ASAP2: variants seen among roughly 807,000 people sequenced by gnomAD.
The protein encoded by ASAP2 is arf-GAP with SH3 domain, ANK repeat and PH domain-containing protein 2.
ASAP2 carries 45 observed loss-of-function variants against 131.4 expected under a neutral mutation model. The observed-to-expected ratio is 0.34, with a 90% confidence interval of 0.27 to 0.44. ASAP2 has a LOEUF of 0.44. Among genes scored for constraint, ASAP2 ranks in the 20% least tolerant of loss-of-function variants. The pLI is 1.00. For missense variants in ASAP2, 1,011 were observed against 1,297.0 expected (o/e 0.78, Z 3.39); for synonymous variants, 510 against 503.0 (o/e 1.01, Z -0.19).
At chr2:9,258,921 C>T (rs1352784957) in intron 1 of ASAP2, among the ~76,000 whole-genome samples, 1 of 152,242 alleles carries the variant, frequency 6.6e-6, no homozygotes, top group South Asian at 2.1e-4. Flanking sequence ...CTCCTGATTA[C>T]AGACTGGGGT....
intron 1 of ASAP2, among the ~76,000 whole-genome samples, chr2:9,222,853 G>A (rs77904775): frequency 0.024 from 3,704 of 152,194 alleles, 102 homozygotes; most frequent in Admixed American, 0.087. Context: ...TTTCCTTGGG[G>A]ACTGGGATGC....
In ASAP2 at chr2:9,368,304, A is replaced by C. The variant is rs1252234543; in HGVS notation, c.1462-121A>C. On this transcript the variant is annotated intron_variant, in intron 15 of 27. Transcript: ENST00000281419. The stretch of plus-strand genomic sequence containing the variant: ...TTTTGTCCATCTTCATTAAAGGCAA[A>C]CCACTTTATTGCTCTATTTCTTAGT... The C allele has an allele frequency of 4.4e-6, 4 of 900,928 alleles. No individual in the cohort carries two copies. In the African/African-American group the frequency reaches 6.6e-5, roughly 15 times the overall value. 55.8% of individuals were successfully genotyped at this position (900,928 alleles called of 1,614,324 possible).
rs761661220 is a variant in ASAP2 at position 9,391,134 on chromosome 2, G to A, written c.2456G>A (p.Arg819Gln). 15 of 1,613,874 alleles carry A rather than the reference G, an allele frequency of 9.3e-6. No homozygotes were observed. The African/African-American group carries it at 1.1e-4, about 12-fold the overall frequency. Residue 819 changes from arginine to glutamine, a missense_variant, in exon 23 of 28, where the codon CGA becomes CAA. Physicochemically the swap from Arg to Gln is conservative, Grantham distance 43. Coordinates refer to ENST00000281419, the MANE Select transcript of ASAP2 (RefSeq NM_003887.3). The stretch of plus-strand genomic sequence containing the variant: ...AGTGTGGACGGTGGAAGCCGGCAGC[G>A]ATCTTCGTCAGATCCGCCAGCTGTC... ...SVSVDGGSRQRSSSDPPAVHP... is the reference protein window; with the variant it reads ...SVSVDGGSRQQSSSDPPAVHP...
intron 6 of ASAP2, among the ~76,000 whole-genome samples, chr2:9,326,800 C>T (rs998787369): frequency 6.6e-6 from 1 of 152,174 alleles, no homozygotes; most frequent in African/African-American, 2.4e-5. Flanking sequence ...GTTAATTTCC[C>T]ACTCATTAGG....
At chr2:9,317,908 CTT>C (rs1170045273) in intron 3 of ASAP2, among the ~76,000 whole-genome samples, 2 of 152,172 alleles carry the variant, frequency 1.3e-5, no homozygotes, top group East Asian at 1.9e-4. Context: ...TGCATTCACT[CTT>C]ATACTCAAGC....
chr2:9,221,328 T>C (rs901916933), intron 1 of ASAP2, among the ~76,000 whole-genome samples: 4 of 150,852 alleles, frequency 2.7e-5, no homozygotes, highest in South Asian at 2.1e-4. Flanking sequence ...CTTTTCTTTT[T>C]TTTTTTTTTT....
intron 6 of ASAP2, among the ~76,000 whole-genome samples, chr2:9,326,468 A>G (rs1670483652): frequency 7.9e-6 from 1 of 126,610 alleles, no homozygotes; most frequent in African/African-American, 3.4e-5. Flanking sequence ...TGAGCGGAGA[A>G]GGCGTGAGAA....
rs533101284 is a variant in ASAP2 at position 9,311,886 on chromosome 2, G to T, written c.346-6638G>T. On this transcript the variant is annotated intron_variant, in intron 3 of 27. Transcript: ENST00000281419. This position sits in a 1 kb window ranked among gnomAD's most constrained non-coding sequence, Gnocchi z 5.2. Reference sequence around the variant, plus strand: ...CCCTGAGCCACCAGGCGTGTGTGCTGTGTGGATTGCATACACCAAGCATGG... The same window carrying T: ...CCCTGAGCCACCAGGCGTGTGTGCTTTGTGGATTGCATACACCAAGCATGG... 6.6e-6 allele frequency among the ~76,000 whole-genome samples: 1 copy of T among 152,356 alleles called. No individual in the cohort carries two copies. Among genetic ancestry groups the T allele is most frequent in the South Asian group, 2.1e-4 (1 of 4,828 alleles).
chr2:9,248,899 A>T (rs773224282), intron 1 of ASAP2, among the ~76,000 whole-genome samples: 4 of 152,120 alleles, frequency 2.6e-5, no homozygotes, highest in African/African-American at 9.7e-5. Context: ...CTCTGTGTCT[A>T]CCTGTCATGG....
chr2:9,396,353 C>A (rs540658937), intron 24 of ASAP2, among the ~76,000 whole-genome samples: 4 of 152,122 alleles, frequency 2.6e-5, no homozygotes, highest in Admixed American at 1.3e-4. Flanking sequence ...CGGTTCACCG[C>A]AGCCTCGACC....
intron 16 of ASAP2, among the ~76,000 whole-genome samples, chr2:9,370,441 G>C (rs553738668): frequency 6.6e-6 from 1 of 152,348 alleles, no homozygotes; most frequent in African/African-American, 2.4e-5. Flanking sequence ...GGTTGACAAT[G>C]TGATCATCCT....
chr2:9,271,114 G>C (rs1409951040), intron 1 of ASAP2, among the ~76,000 whole-genome samples: 1 of 151,778 alleles, frequency 6.6e-6, no homozygotes, highest in Admixed American at 6.6e-5. Context: ...TTTTTTTATG[G>C]CTCTTTTCAG....
intron 9 of ASAP2, among the ~76,000 whole-genome samples, chr2:9,338,359 C>CTCTCTT (rs1671359234): frequency 6.6e-6 from 1 of 152,152 alleles, no homozygotes; most frequent in East Asian, 1.9e-4. Flanking sequence ...CTCTCTCTCT[C>CTCTCTT]TCTCTTTCTC....
chr2:9,391,228 G>T (rs764945512), intron 23 of ASAP2, 32 bp downstream of exon 23: 11 of 1,588,430 alleles, frequency 6.9e-6, no homozygotes, highest in African/African-American at 1.3e-5. Context: ...TTTCTTGCCC[G>T]TGGGCTTTGT....
chr2:9,342,233 T>C (rs879318665), intron 9 of ASAP2, among the ~76,000 whole-genome samples: 5 of 152,240 alleles, frequency 3.3e-5, no homozygotes, highest in African/African-American at 4.8e-5. Flanking sequence ...AGAACAAAGT[T>C]GGAGGATTCA....
At chr2:9,401,251 C>A (rs576144458) in intron 26 of ASAP2, 23 bp from the exon 27 acceptor site, 1 of 1,612,902 alleles carries the variant, frequency 6.2e-7, no homozygotes, top group South Asian at 1.1e-5. Context: ...CCACACTAAC[C>A]GTTGTTCCCT....
intron 1 of ASAP2, among the ~76,000 whole-genome samples, chr2:9,214,504 T>G (rs1263169876): frequency 1.3e-5 from 2 of 152,072 alleles, no homozygotes; most frequent in African/African-American, 4.8e-5. Flanking sequence ...CCTCACAAAG[T>G]GCTGGGATTA....
At chr2:9,397,741 TATA>T (rs1676262415) in intron 24 of ASAP2, among the ~76,000 whole-genome samples, 3 of 93,484 alleles carry the variant, frequency 3.2e-5, no homozygotes, top group African/African-American at 2.4e-4. Context: ...TATATATATA[TATA>T]TATATATTTT....
chr2:9,397,750 A>ATATATATATATTTTT (rs1343127000), intron 24 of ASAP2, among the ~76,000 whole-genome samples: 2 of 44,806 alleles, frequency 4.5e-5, no homozygotes, highest in African/African-American at 3.4e-4. Context: ...ATATATATAT[A>ATATATATATATTTTT]TTTTTTTTTT....
Sources: allele counts gnomAD v4.1 joint callset (sites outside exome capture counted in the v4.1 genomes callset), GRCh38; gene constraint gnomAD v4.1.1; non-coding constraint Gnocchi (gnomAD v3.1); transcripts MANE v1.5; gene names NCBI Gene and HGNC (gene_info 2026-07-23, HGNC 2026-07-21).